Variants in SULF1 observed in about 807,000 individuals in gnomAD.
SULF1 encodes the protein sulfatase 1.
SULF1 carries 46 observed loss-of-function variants against 110.5 expected under a neutral mutation model. The ratio of observed to expected loss-of-function variants is 0.42; its 90% CI spans 0.33 to 0.53. SULF1 has a LOEUF of 0.53. SULF1 is among the 20% of genes least tolerant of loss of function. The pLI, the probability that SULF1 is intolerant of heterozygous loss-of-function variation, is 0.12. For missense variants in SULF1, 941 were observed against 1,094.2 expected (o/e 0.86, Z 1.98); for synonymous variants, 371 against 387.1 (o/e 0.96, Z 0.49).
intron 14 of SULF1, among the ~76,000 whole-genome samples, chr8:69,622,294 T>C (rs2130556853): frequency 6.6e-6 from 1 of 152,194 alleles, no homozygotes; most frequent in African/African-American, 2.4e-5. Flanking sequence ...TGAAAATCAA[T>C]AAGGCCAGGC....
chr8:69,563,453 T>A (rs1815654082), intron 3 of SULF1, 86 bp from the exon 4 acceptor site: 1 of 154,136 alleles, frequency 6.5e-6, no homozygotes, highest in Admixed American at 6.4e-5. Flanking sequence ...TATAATATGC[T>A]GTTGCAAGAG....
At position 69,632,273 on chromosome 8, in the gene SULF1, A is replaced by G. The variant is rs558678453; in HGVS notation, c.2284+2594A>G. Among the ~76,000 whole-genome samples the G allele has an allele frequency of 1.1e-4, 16 of 152,286 alleles. 1 individual carries two copies. The East Asian group carries it at 2.9e-3, about 28-fold the overall frequency. On this transcript the variant is annotated intron_variant, in intron 19 of 22. Transcript: ENST00000402687. ...CACAATGTATTCTTGGTGCTCTGGT[A>G]TTCTAGGACAGTGGCTTCCAGAATT... is the stretch of plus-strand genomic sequence containing the variant.
chr8:69,584,388 AG>A (rs1298306322), intron 6 of SULF1: 1 of 152,414 alleles, frequency 6.6e-6, no homozygotes, highest in African/African-American at 2.4e-5. Flanking sequence ...TGGTTCATGG[AG>A]GGTGATTATG....
intron 13 of SULF1, among the ~76,000 whole-genome samples, chr8:69,616,158 A>G (rs1324435696): frequency 2.0e-5 from 3 of 147,110 alleles, no homozygotes; most frequent in Admixed American, 1.4e-4. Context: ...ATGTGTGTGT[A>G]TATATACATA....
At chr8:69,479,834 T>C (rs1332980272) in intron 1 of SULF1, among the ~76,000 whole-genome samples, 1 of 152,098 alleles carries the variant, frequency 6.6e-6, no homozygotes, top group Non-Finnish European at 1.5e-5. Context: ...AAAGTATGAG[T>C]CGGTAAATTC....
At chr8:69,514,502 G>A (rs1012229894) in intron 3 of SULF1, among the ~76,000 whole-genome samples, 2 of 152,140 alleles carry the variant, frequency 1.3e-5, no homozygotes, top group Admixed American at 6.6e-5. Context: ...TTGGGTGGGG[G>A]TACAGAGTCA....
In SULF1 at chr8:69,608,016, G is replaced by A. The variant is rs1047725936; in HGVS notation, c.1377+3084G>A. The stretch of plus-strand genomic sequence containing the variant: ...CCCATTCTCTTCACTCTTAATCCCA[G>A]AGATAGTGAATGCCCCCCTCCTACC... On this transcript the variant is annotated intron_variant, in intron 13 of 22. Transcript: ENST00000402687. 2.0e-5 allele frequency among the ~76,000 whole-genome samples: 3 copies of A among 152,154 alleles called. No homozygotes were observed. The South Asian group carries it at 6.2e-4, about 32-fold the overall frequency.
intron 6 of SULF1, among the ~76,000 whole-genome samples, chr8:69,582,750 A>G (rs965500237): frequency 3.2e-4 from 49 of 151,898 alleles, no homozygotes; most frequent in African/African-American, 1.1e-3. Context: ...GAGGAGGCCA[A>G]GGAAAGCACG....
intron 3 of SULF1, among the ~76,000 whole-genome samples, chr8:69,522,921 AAAC>A (rs750543245): frequency 6.6e-6 from 1 of 152,234 alleles, no homozygotes; most frequent in Non-Finnish European, 1.5e-5. Flanking sequence ...AAGAAGAAAA[AAAC>A]AAGAAATATG....
intron 3 of SULF1, among the ~76,000 whole-genome samples, chr8:69,523,273 G>A (rs1199203500): frequency 6.6e-6 from 1 of 152,118 alleles, no homozygotes; most frequent in Admixed American, 6.5e-5. Context: ...TGAGGAGTTG[G>A]GGAGACCTGT....
At chr8:69,637,001 G>A (rs979474342) in intron 19 of SULF1, among the ~76,000 whole-genome samples, 1 of 152,140 alleles carries the variant, frequency 6.6e-6, no homozygotes, top group Admixed American at 6.5e-5. Context: ...CAGCCACTGA[G>A]CTGTTCATCG....
chr8:69,627,995 A>AT (rs34070558), intron 17 of SULF1, 129 bp downstream of exon 17: 1 of 896,532 alleles, frequency 1.1e-6, no homozygotes, highest in East Asian at 2.4e-5. Flanking sequence ...AACCTAAGCT[A>AT]TTTAAGTAAA....
intron 6 of SULF1, among the ~76,000 whole-genome samples, chr8:69,578,105 C>G (rs2380554): frequency 0.29 from 44,740 of 151,940 alleles, 6,850 homozygotes; most frequent in East Asian, 0.34. Context: ...AATGGAAACA[C>G]CATCCATTGT....
At chr8:69,479,701 TA>T (rs1444146913) in intron 1 of SULF1, among the ~76,000 whole-genome samples, 6 of 152,202 alleles carry the variant, frequency 3.9e-5, no homozygotes, top group Non-Finnish European at 1.5e-5. Context: ...AGAGATCATC[TA>T]AGCAGAATCT....
At chr8:69,480,660 AG>A (rs1269156852) in intron 1 of SULF1, among the ~76,000 whole-genome samples, 2 of 152,200 alleles carry the variant, frequency 1.3e-5, no homozygotes, top group Non-Finnish European at 2.9e-5. Context: ...ATTCATTATT[AG>A]ATTATAAATG....
intron 13 of SULF1, among the ~76,000 whole-genome samples, chr8:69,617,373 CTATATATATATATATATATATATA>C (rs56381958): frequency 0.083 from 4,056 of 48,836 alleles, 350 homozygotes; most frequent in Middle Eastern, 0.11. Flanking sequence ...GCATGCTTAG[CTATATATATATATATATATATATA>C]TATATATATA....
At chr8:69,556,862 A>G (rs1815150347) in intron 3 of SULF1, among the ~76,000 whole-genome samples, 1 of 152,026 alleles carries the variant, frequency 6.6e-6, no homozygotes, top group Admixed American at 6.5e-5. Flanking sequence ...TCATCCCATT[A>G]TCTAGGTATT....
intron 12 of SULF1, among the ~76,000 whole-genome samples, chr8:69,604,328 TCTTCCTA>T (rs1444968319): frequency 6.6e-6 from 1 of 152,202 alleles, no homozygotes; most frequent in Non-Finnish European, 1.5e-5. Flanking sequence ...CCGGCACCCT[TCTTCCTA>T]CTTCCTACTT....
At chr8:69,508,439 A>G (rs924953468) in intron 3 of SULF1, among the ~76,000 whole-genome samples, 2 of 152,168 alleles carry the variant, frequency 1.3e-5, no homozygotes, top group East Asian at 3.9e-4. Context: ...TAACTAAAAT[A>G]TTTCCAAACA....
Sources: allele counts gnomAD v4.1 joint callset (sites outside exome capture counted in the v4.1 genomes callset), GRCh38; gene constraint gnomAD v4.1.1; transcripts MANE v1.5; gene names NCBI Gene and HGNC (gene_info 2026-07-23, HGNC 2026-07-21).